CUL5: variants seen among roughly 807,000 people sequenced by gnomAD.
CUL5 encodes the protein cullin 5.
Under a neutral mutation model 108.8 loss-of-function variants are expected in CUL5, and 26 were observed. The ratio of observed to expected loss-of-function variants is 0.24; its 90% CI spans 0.18 to 0.33. The LOEUF (loss-of-function observed/expected upper bound fraction) is 0.33. CUL5 is among the 10% of genes least tolerant of loss of function. The probability of loss-of-function intolerance (pLI) is 1.00; values close to 1 mark genes in which losing one functional copy is unlikely to be tolerated. For missense variants in CUL5, 524 were observed against 909.2 expected (o/e 0.58, Z 5.45); for synonymous variants, 334 against 298.0 (o/e 1.12, Z -1.25).
chr11:108,099,740 C>T (rs1864602464), intron 18 of CUL5, among the ~76,000 whole-genome samples: 1 of 152,102 alleles, frequency 6.6e-6, no homozygotes, highest in African/African-American at 2.4e-5. Context: ...CAGGCAGGCT[C>T]TCCGCCTACC....
intron 1 of CUL5, among the ~76,000 whole-genome samples, chr11:108,033,439 C>T (rs1862645939): frequency 6.6e-6 from 1 of 152,114 alleles, no homozygotes; most frequent in South Asian, 2.1e-4. Flanking sequence ...TGTGGACAGT[C>T]CCCTCCCTGA....
chr11:108,018,976 G>A (rs912409791), intron 1 of CUL5, among the ~76,000 whole-genome samples: 11 of 151,952 alleles, frequency 7.2e-5, no homozygotes, highest in African/African-American at 2.4e-4. Flanking sequence ...AAAAACCTCA[G>A]AAAAAAATTG....
chr11:108,085,149 C>G (rs1278830548), intron 11 of CUL5: 1 of 152,180 alleles, frequency 6.6e-6, no homozygotes, highest in Non-Finnish European at 1.5e-5. Flanking sequence ...AGTGGCATTA[C>G]TCTTAATAGT....
intron 2 of CUL5, among the ~76,000 whole-genome samples, chr11:108,041,635 G>C (rs1353998124): frequency 6.6e-6 from 1 of 151,532 alleles, no homozygotes; most frequent in African/African-American, 2.4e-5. Context: ...TTGTTGCCTA[G>C]GCTGGAGTGC....
At chr11:108,064,357 A>G (rs562211708) in intron 7 of CUL5, among the ~76,000 whole-genome samples, 1 of 152,326 alleles carries the variant, frequency 6.6e-6, no homozygotes, top group South Asian at 2.1e-4. Context: ...CCATCCTTGC[A>G]TCCACGGATA....
chr11:108,087,605 T>A (rs555583447), intron 11 of CUL5, among the ~76,000 whole-genome samples: 6 of 152,246 alleles, frequency 3.9e-5, no homozygotes, highest in South Asian at 4.1e-4. Context: ...ATTTAAAAAA[T>A]TTTTTAATTT....
intron 1 of CUL5, among the ~76,000 whole-genome samples, chr11:108,012,540 T>C (rs1478793111): frequency 2.4e-5 from 3 of 126,006 alleles, no homozygotes; most frequent in East Asian, 4.5e-4. Context: ...TTTTTTTTTT[T>C]CAGTTTCCCT....
chr11:108,040,756 G>A lies in CUL5; in HGVS notation c.135-5514G>A, dbSNP rs138876250. Among the ~76,000 whole-genome samples the A allele has an allele frequency of 8.3e-4, 127 of 152,178 alleles. 1 individual carries two copies. The East Asian group carries it at 0.021, about 25-fold the overall frequency. On this transcript the variant is annotated intron_variant, in intron 2 of 18. Transcript: ENST00000393094. ...ATCATGCCACTGCACTCCAGGCAGG[G>A]TGACAGGGAGAGACCCTGTCTCAAC...
At chr11:108,085,471 T>A (rs573976789) in intron 11 of CUL5, among the ~76,000 whole-genome samples, 1 of 152,248 alleles carries the variant, frequency 6.6e-6, no homozygotes, top group East Asian at 1.9e-4. Context: ...GATTTCTGTT[T>A]GGGATAATGA....
At chr11:108,031,258 C>T (rs1007069869) in intron 1 of CUL5, among the ~76,000 whole-genome samples, 13 of 151,408 alleles carry the variant, frequency 8.6e-5, no homozygotes, top group South Asian at 4.2e-4. Flanking sequence ...CTCAGCTACT[C>T]GGAGGCTGAG....
At chr11:108,038,140 A>T (rs1862792546) in intron 2 of CUL5, among the ~76,000 whole-genome samples, 1 of 152,202 alleles carries the variant, frequency 6.6e-6, no homozygotes. Flanking sequence ...TATTACATTC[A>T]TGTATACATA....
chr11:108,022,402 G>A (rs548799364), intron 1 of CUL5, among the ~76,000 whole-genome samples: 1 of 152,172 alleles, frequency 6.6e-6, no homozygotes, highest in East Asian at 1.9e-4. Flanking sequence ...AACAAATACT[G>A]TATTTCTACA....
At chr11:108,068,075 C>T (rs1266592515) in intron 7 of CUL5, among the ~76,000 whole-genome samples, 1 of 151,862 alleles carries the variant, frequency 6.6e-6, no homozygotes, top group African/African-American at 2.4e-5. Context: ...ATTACAGGCA[C>T]CCACCATGCC....
At chr11:108,048,648 CTTTTTTTT>C (rs200991204) in intron 3 of CUL5, among the ~76,000 whole-genome samples, 11 of 116,866 alleles carry the variant, frequency 9.4e-5, no homozygotes, top group South Asian at 2.7e-4. Flanking sequence ...ACTCCACCAC[CTTTTTTTT>C]TTTTTTTTTT....
At position 108,095,075 on chromosome 11, in the gene CUL5, T is replaced by C. The variant is rs1274655426; in HGVS notation, c.1743+88T>C. 1.8e-5 allele frequency: 21 copies of C among 1,168,776 alleles called. No individual in the cohort carries two copies. In the South Asian group the frequency reaches 3.5e-4, roughly 19 times the overall value. The allele number at this position is 1,168,776 out of a possible 1,614,324, so 72.4% of individuals were successfully genotyped here. ...AGAATTGCTTAAACAAAATAGATTT[T>C]TGCCTCTCTCACATGTAAAAGTTTG... On this transcript the variant is annotated intron_variant, in intron 15 of 18. Transcript: ENST00000393094.
intron 1 of CUL5, among the ~76,000 whole-genome samples, chr11:108,031,263 G>C (rs1020251170): frequency 2.6e-5 from 4 of 151,966 alleles, no homozygotes; most frequent in African/African-American, 9.7e-5. Context: ...CTACTCGGAG[G>C]CTGAGGCATG....
At chr11:108,096,427 A>C (rs1381806923) in intron 16 of CUL5, among the ~76,000 whole-genome samples, 1 of 151,748 alleles carries the variant, frequency 6.6e-6, no homozygotes, top group Non-Finnish European at 1.5e-5. Flanking sequence ...AGGAGGATGC[A>C]GTGAGCCACA....
intron 13 of CUL5, among the ~76,000 whole-genome samples, chr11:108,090,357 TG>T (rs1479536345): frequency 6.6e-6 from 1 of 150,772 alleles, no homozygotes. Context: ...GGCGTGGTGG[TG>T]GGGGGCCTGT....
intron 11 of CUL5, among the ~76,000 whole-genome samples, chr11:108,087,457 A>G (rs1864245610): frequency 6.6e-6 from 1 of 152,214 alleles, no homozygotes; most frequent in Admixed American, 6.5e-5. Flanking sequence ...TTTTTAGAGA[A>G]GTAGGATTAA....
Sources: allele counts gnomAD v4.1 joint callset (sites outside exome capture counted in the v4.1 genomes callset), GRCh38; gene constraint gnomAD v4.1.1; transcripts MANE v1.5; gene names NCBI Gene and HGNC (gene_info 2026-07-23, HGNC 2026-07-21).